Variants in ADGB observed in about 807,000 individuals in gnomAD.
ADGB encodes calpain-7-like protein.
Under a neutral mutation model 210.5 loss-of-function variants are expected in ADGB, and 172 were observed. The ratio of observed to expected loss-of-function variants is 0.82; its 90% CI spans 0.72 to 0.93. The LOEUF is 0.93. ADGB is among the 40% of genes least tolerant of loss of function. The pLI is 0.00. For missense variants in ADGB, 2,025 were observed against 1,964.8 expected, an observed-to-expected ratio of 1.03 and a Z score of -0.58; for synonymous variants, 658 against 662.7, an observed-to-expected ratio of 0.99 and a Z score of 0.11.
At chr6:146,715,049 T>G (rs1362676318) in intron 13 of ADGB, among the ~76,000 whole-genome samples, 2 of 152,196 alleles carry the variant, frequency 1.3e-5, no homozygotes, top group Non-Finnish European at 2.9e-5. Context: ...GTTATCTATA[T>G]TAATAGCAGA....
intron 10 of ADGB, among the ~76,000 whole-genome samples, chr6:146,687,091 A>T (rs1339961648): frequency 2.6e-5 from 4 of 152,140 alleles, no homozygotes; most frequent in African/African-American, 9.7e-5. Flanking sequence ...AACAGTGTTC[A>T]TAAGAGGATT....
Position 146,782,007 on chromosome 6 carries a change from T to G in ADGB, c.3863-13T>G, listed in dbSNP as rs750351633. On this transcript the variant is annotated splice_polypyrimidine_tract_variant and intron_variant, in intron 29 of 35. Coordinates refer to ENST00000397944, the MANE Select transcript of ADGB (RefSeq NM_024694.4). ...ATTATGACTCACCATTTTTTATTTT[T>G]ATGTCTCTCTAGCTTATGGTGAAAG... The G allele has an allele frequency of 2.5e-5, 36 of 1,439,034 alleles. No individual in the cohort carries two copies. The highest frequency in any genetic ancestry group is 2.8e-5 in the Non-Finnish European group (31 of 1,098,604). The allele number at this position is 1,439,034 out of a possible 1,614,324, so 89.1% of individuals were successfully genotyped here.
intron 22 of ADGB, among the ~76,000 whole-genome samples, chr6:146,736,117 T>C (rs1295128228): frequency 6.6e-6 from 1 of 152,244 alleles, no homozygotes; most frequent in Non-Finnish European, 1.5e-5. Flanking sequence ...TGAGATCTAA[T>C]AAAATCCTAT....
intron 10 of ADGB, among the ~76,000 whole-genome samples, chr6:146,687,955 T>G (rs1776255063): frequency 6.6e-6 from 1 of 152,016 alleles, no homozygotes; most frequent in Non-Finnish European, 1.5e-5. Context: ...GAAACTAAAA[T>G]TTAAATACTG....
intron 21 of ADGB, 60 bp downstream of exon 21, chr6:146,733,315 T>G: frequency 1.5e-6 from 2 of 1,379,128 alleles, no homozygotes; most frequent in Non-Finnish European, 1.9e-6. Flanking sequence ...AGGTAAATAA[T>G]TTAAGAAATG....
intron 3 of ADGB, among the ~76,000 whole-genome samples, chr6:146,653,754 A>G (rs1293941876): frequency 6.6e-6 from 1 of 152,210 alleles, no homozygotes; most frequent in African/African-American, 2.4e-5. Flanking sequence ...AAAAATAAAA[A>G]TAAAAATTTA....
chr6:146,717,687 T>G, intron 16 of ADGB, 88 bp downstream of exon 16: 1 of 645,326 alleles, frequency 1.5e-6, no homozygotes, highest in Non-Finnish European at 2.5e-6. Flanking sequence ...TCAAAACATT[T>G]CTAAACTTGT....
intron 3 of ADGB, among the ~76,000 whole-genome samples, chr6:146,645,904 C>G (rs1346925308): frequency 3.3e-5 from 5 of 151,740 alleles, no homozygotes; most frequent in Non-Finnish European, 5.9e-5. Flanking sequence ...CTTATAGTAA[C>G]TTAAAGTTTT....
At chr6:146,605,693 G>T (rs886254341) in intron 1 of ADGB, among the ~76,000 whole-genome samples, 1 of 152,078 alleles carries the variant, frequency 6.6e-6, no homozygotes, top group Non-Finnish European at 1.5e-5. Flanking sequence ...ACAACACTTG[G>T]CACAGATTTG....
chr6:146,714,676 A>G (rs1776706539), intron 13 of ADGB, among the ~76,000 whole-genome samples: 1 of 152,188 alleles, frequency 6.6e-6, no homozygotes, highest in Non-Finnish European at 1.5e-5. Context: ...TTTTAAGCCC[A>G]TGTCTCATTC....
At chr6:146,810,109 C>CA (rs1396306677) in intron 35 of ADGB, among the ~76,000 whole-genome samples, 3 of 151,960 alleles carry the variant, frequency 2.0e-5, no homozygotes, top group Admixed American at 1.3e-4. Flanking sequence ...AACTCAATAG[C>CA]AAAAAAAGCA....
chr6:146,690,195 TG>T, intron 10 of ADGB, among the ~76,000 whole-genome samples: 1 of 152,150 alleles, frequency 6.6e-6, no homozygotes, highest in East Asian at 1.9e-4. Context: ...AGTTTCCAGT[TG>T]AAGTAATAAT....
chr6:146,737,933 C>T (rs1777103987), intron 23 of ADGB, among the ~76,000 whole-genome samples: 1 of 152,184 alleles, frequency 6.6e-6, no homozygotes, highest in African/African-American at 2.4e-5. Context: ...TTGAGTTCTA[C>T]ATACACATTT....
At chr6:146,733,614 T>C (rs1490539069) in intron 21 of ADGB, among the ~76,000 whole-genome samples, 4 of 152,204 alleles carry the variant, frequency 2.6e-5, no homozygotes, top group African/African-American at 9.6e-5. Flanking sequence ...TCTGCTCTCA[T>C]CATTTTAACA....
intron 1 of ADGB, among the ~76,000 whole-genome samples, chr6:146,605,658 G>A (rs182356534): frequency 6.6e-6 from 1 of 152,260 alleles, no homozygotes; most frequent in Admixed American, 6.5e-5. Context: ...AAAAGGCCCT[G>A]TCATAGTCAT....
At chr6:146,750,676 AAAAT>A (rs1777307404) in intron 26 of ADGB, among the ~76,000 whole-genome samples, 1 of 152,198 alleles carries the variant, frequency 6.6e-6, no homozygotes, top group African/African-American at 2.4e-5. Flanking sequence ...GGAATCACCT[AAAAT>A]AAGAACAAAA....
At chr6:146,705,727 C>T (rs1022699849) in intron 13 of ADGB, among the ~76,000 whole-genome samples, 2 of 152,026 alleles carry the variant, frequency 1.3e-5, no homozygotes, top group Admixed American at 1.3e-4. Flanking sequence ...GCGATATTGA[C>T]CTAAGGTTTA....
chr6:146,670,860 C>T (rs1007992921), intron 7 of ADGB, among the ~76,000 whole-genome samples: 4 of 151,978 alleles, frequency 2.6e-5, no homozygotes, highest in South Asian at 2.1e-4. Context: ...ACTAGGAGAG[C>T]GTAAAAGATT....
chr6:146,813,688 A>G (rs1174098082), intron 35 of ADGB, among the ~76,000 whole-genome samples: 1 of 152,234 alleles, frequency 6.6e-6, no homozygotes, highest in Non-Finnish European at 1.5e-5. Context: ...AAAATTGTGT[A>G]AATTCAATTT....
Sources: gnomAD v4.1 joint callset for allele counts (sites outside exome capture counted in the v4.1 genomes callset) on GRCh38, gnomAD v4.1.1 for gene constraint, MANE v1.5 for transcripts, NCBI Gene and HGNC (gene_info 2026-07-23, HGNC 2026-07-21) for gene names.